CLSTN2: variants seen among roughly 807,000 people sequenced by gnomAD.
CLSTN2 encodes the protein calsyntenin 2.
In CLSTN2, 48 loss-of-function variants were observed where a neutral mutation model predicts 101.2. That is an observed-to-expected ratio of 0.47 (90% CI 0.38 to 0.60). The LOEUF is 0.60. Ranked by LOEUF, CLSTN2 falls within the 20% of genes least tolerant of loss-of-function variation. The probability of loss-of-function intolerance (pLI) is 0.00; values close to 1 mark genes in which losing one functional copy is unlikely to be tolerated. For missense variants in CLSTN2, 1,160 were observed against 1,238.2 expected (o/e 0.94, Z 0.95); for synonymous variants, 481 against 463.6 (o/e 1.04, Z -0.48).
chr3:140,205,412 A>G (rs756035634), intron 2 of CLSTN2, among the ~76,000 whole-genome samples: 1 of 152,204 alleles, frequency 6.6e-6, no homozygotes, highest in South Asian at 2.1e-4. Context: ...GCACCTGAAC[A>G]TGGGATAAAT....
At chr3:140,257,641 C>T (rs941738310) in intron 2 of CLSTN2, among the ~76,000 whole-genome samples, 6 of 142,370 alleles carry the variant, frequency 4.2e-5, no homozygotes, top group African/African-American at 5.2e-5. Flanking sequence ...ATTATTTTTC[C>T]GTATAATATT....
intron 1 of CLSTN2, among the ~76,000 whole-genome samples, chr3:140,146,939 T>C (rs1313204821): frequency 6.6e-6 from 1 of 152,178 alleles, no homozygotes; most frequent in Non-Finnish European, 1.5e-5. Flanking sequence ...AGCACTAAGC[T>C]CTGTTTCAAA....
intron 2 of CLSTN2, among the ~76,000 whole-genome samples, chr3:140,268,025 A>G (rs138593147): frequency 1.3e-5 from 2 of 152,312 alleles, no homozygotes; most frequent in Non-Finnish European, 2.9e-5. Context: ...AAAATGGGGA[A>G]TGAATTGGAG....
chr3:140,178,910 G>C (rs1213034910), intron 2 of CLSTN2, among the ~76,000 whole-genome samples: 1 of 152,098 alleles, frequency 6.6e-6, no homozygotes, highest in African/African-American at 2.4e-5. Context: ...TTTAGCCCAG[G>C]AGGTAGGCTC....
At chr3:140,277,751 C>T (rs1057167780) in intron 2 of CLSTN2, among the ~76,000 whole-genome samples, 3 of 152,018 alleles carry the variant, frequency 2.0e-5, no homozygotes, top group South Asian at 2.1e-4. Flanking sequence ...ATATTGTTTG[C>T]GCTGGGTGGT....
At chr3:140,279,335 G>A (rs891595525) in intron 2 of CLSTN2, among the ~76,000 whole-genome samples, 1 of 152,208 alleles carries the variant, frequency 6.6e-6, no homozygotes, top group African/African-American at 2.4e-5. Flanking sequence ...CCAAGTCCAT[G>A]CTGGGTGACC....
At chr3:139,977,407 T>C (rs115016380) in intron 1 of CLSTN2, among the ~76,000 whole-genome samples, 3,847 of 152,228 alleles carry the variant, frequency 0.025, 157 homozygotes, top group African/African-American at 0.086. Flanking sequence ...GCCTCCATGG[T>C]CTCCTGAGTC....
At chr3:140,160,148 G>A (rs1453289698) in intron 1 of CLSTN2, among the ~76,000 whole-genome samples, 2 of 151,874 alleles carry the variant, frequency 1.3e-5, no homozygotes, top group South Asian at 2.1e-4. Context: ...CATATACCCC[G>A]TGTATCTAAA....
At chr3:139,974,619 G>A (rs1935779203) in intron 1 of CLSTN2, among the ~76,000 whole-genome samples, 1 of 152,224 alleles carries the variant, frequency 6.6e-6, no homozygotes, top group Non-Finnish European at 1.5e-5. Flanking sequence ...TGAGTAAATT[G>A]AAATTGGGCA....
At chr3:140,212,136 A>C (rs1328365310) in intron 2 of CLSTN2, among the ~76,000 whole-genome samples, 1 of 152,218 alleles carries the variant, frequency 6.6e-6, no homozygotes, top group Non-Finnish European at 1.5e-5. Flanking sequence ...ATGATAGTTC[A>C]GTTCCTCGGG....
At chr3:139,997,983 C>T (rs1268376007) in intron 1 of CLSTN2, among the ~76,000 whole-genome samples, 1 of 152,140 alleles carries the variant, frequency 6.6e-6, no homozygotes, top group Non-Finnish European at 1.5e-5. Context: ...CATGTTTAGA[C>T]TAGTGCCAAC....
intron 2 of CLSTN2, among the ~76,000 whole-genome samples, chr3:140,321,587 A>T (rs13075611): frequency 6.6e-6 from 1 of 152,052 alleles, no homozygotes; most frequent in Non-Finnish European, 1.5e-5. Context: ...TAGTCCTTAA[A>T]TTTTTGCTGC....
At chr3:140,553,976 G>A (rs1935754453) in intron 10 of CLSTN2, among the ~76,000 whole-genome samples, 1 of 149,790 alleles carries the variant, frequency 6.7e-6, no homozygotes, top group South Asian at 2.1e-4. Context: ...ATGTAGGCTC[G>A]AGAGCCTTCA....
intron 2 of CLSTN2, among the ~76,000 whole-genome samples, chr3:140,353,936 G>T (rs2087638530): frequency 6.6e-6 from 1 of 152,132 alleles, no homozygotes; most frequent in Non-Finnish European, 1.5e-5. Context: ...GACCATAGAG[G>T]TGCTGAACTA....
chr3:140,202,173 G>C (rs2010725637), intron 2 of CLSTN2, among the ~76,000 whole-genome samples: 1 of 152,154 alleles, frequency 6.6e-6, no homozygotes, highest in Non-Finnish European at 1.5e-5. Context: ...GAGCAGAAGA[G>C]TAATGTGATC....
intron 8 of CLSTN2, among the ~76,000 whole-genome samples, chr3:140,472,996 G>T (rs1445431820): frequency 6.6e-6 from 1 of 152,178 alleles, no homozygotes; most frequent in African/African-American, 2.4e-5. Context: ...TAGCTTCATG[G>T]TGTTGGCAGA....
In CLSTN2 at chr3:140,411,710, C is replaced by T. The variant is rs570579975; in HGVS notation, c.637+6944C>T. 3.3e-5 allele frequency among the ~76,000 whole-genome samples: 5 copies of T among 152,330 alleles called. No individual in the cohort carries two copies. The South Asian group carries it at 1.0e-3, about 32-fold the overall frequency. On this transcript the variant is annotated intron_variant, in intron 4 of 16. Coordinates refer to ENST00000458420, the MANE Select transcript of CLSTN2 (RefSeq NM_022131.3). Reference sequence around the variant, plus strand: ...GTTTCTCTACCAAGCTAGCTGGTATCTACTGTGCCCAGCAACCACCAGAAG... The same window carrying T: ...GTTTCTCTACCAAGCTAGCTGGTATTTACTGTGCCCAGCAACCACCAGAAG...
At chr3:140,030,969 G>A (rs766895626) in intron 1 of CLSTN2, among the ~76,000 whole-genome samples, 2 of 152,182 alleles carry the variant, frequency 1.3e-5, no homozygotes, top group Non-Finnish European at 2.9e-5. Context: ...CCTTGTTTAT[G>A]TCAGCCCTTC....
chr3:140,133,479 G>A (rs2009553866), intron 1 of CLSTN2, among the ~76,000 whole-genome samples: 2 of 152,166 alleles, frequency 1.3e-5, no homozygotes. Context: ...TTGTACCTAA[G>A]GTGTCTCCAG....
Sources: gnomAD v4.1 joint callset for allele counts (sites outside exome capture counted in the v4.1 genomes callset) on GRCh38, gnomAD v4.1.1 for gene constraint, MANE v1.5 for transcripts, NCBI Gene and HGNC (gene_info 2026-07-23, HGNC 2026-07-21) for gene names.